Variants in NTRK2 observed in about 807,000 individuals in gnomAD.
The protein encoded by NTRK2 is neurotrophic receptor tyrosine kinase 2, also known as BDNF/NT-3 growth factors receptor.
A neutral mutation model predicts 94.5 loss-of-function variants in NTRK2; 13 were observed. That is an observed-to-expected ratio of 0.14 (90% CI 0.09 to 0.22). The LOEUF (loss-of-function observed/expected upper bound fraction) is 0.22, where lower values mean the gene tolerates loss of function less well. Among genes scored for constraint, NTRK2 ranks in the 10% least tolerant of loss-of-function variants. NTRK2 has a pLI of 1.00. For missense variants in NTRK2, 639 were observed against 1,071.2 expected (o/e 0.60, Z 5.63); for synonymous variants, 372 against 407.4 (o/e 0.91, Z 1.05).
intron 12 of NTRK2, among the ~76,000 whole-genome samples, chr9:84,848,974 A>G (rs557826902): frequency 6.6e-6 from 1 of 152,322 alleles, no homozygotes; most frequent in South Asian, 2.1e-4. Flanking sequence ...TTTATATATT[A>G]CATATTGACA....
intron 12 of NTRK2, among the ~76,000 whole-genome samples, chr9:84,822,053 T>TA (rs2072882546): frequency 6.6e-6 from 1 of 152,152 alleles, no homozygotes; most frequent in Non-Finnish European, 1.5e-5. Flanking sequence ...AGCAGTCCTC[T>TA]AAGGGATGAT....
intron 17 of NTRK2, among the ~76,000 whole-genome samples, chr9:84,956,506 C>T (rs1209327929): frequency 6.6e-6 from 1 of 152,138 alleles, no homozygotes; most frequent in African/African-American, 2.4e-5. Context: ...TTTCTACCAA[C>T]CCTCAATTTG....
chr9:85,018,736 A>G (rs1355833514), intron 17 of NTRK2, among the ~76,000 whole-genome samples: 1 of 152,168 alleles, frequency 6.6e-6, no homozygotes, highest in Non-Finnish European at 1.5e-5. Flanking sequence ...TTGCAGTTTG[A>G]GTATCGACCC....
chr9:84,836,892 G>C (rs1177507491), intron 12 of NTRK2, among the ~76,000 whole-genome samples: 2 of 149,054 alleles, frequency 1.3e-5, no homozygotes, highest in Non-Finnish European at 3.0e-5. Flanking sequence ...GAACATCTTG[G>C]ATTTCAAAAG....
intron 12 of NTRK2, among the ~76,000 whole-genome samples, chr9:84,838,228 A>G (rs1222425298): frequency 6.6e-6 from 1 of 152,218 alleles, no homozygotes; most frequent in African/African-American, 2.4e-5. Context: ...GCTATAGTAC[A>G]TCCAGAAGAA....
intron 14 of NTRK2, among the ~76,000 whole-genome samples, chr9:84,915,333 A>G (rs1311859537): frequency 2.0e-5 from 3 of 152,036 alleles, no homozygotes; most frequent in African/African-American, 7.3e-5. Flanking sequence ...TCCTGGTGAG[A>G]GATGTTTGGA....
rs546780941 is a variant in NTRK2 at position 84,874,431 on chromosome 9, C to T, written c.1633+7000C>T. 6.6e-6 allele frequency: 7 copies of T among 1,065,832 alleles called. No individual in the cohort carries two copies. In the East Asian group the frequency reaches 3.0e-4, roughly 45 times the overall value. The allele number at this position is 1,065,832 out of a possible 1,614,324, so 66.0% of individuals were successfully genotyped here. On this transcript the variant is annotated intron_variant, in intron 14 of 18. Transcript: ENST00000277120. ...AATTCTGCCAGCCTGTGAGAGTAACCACCGTAGCTGGGCTTCTTCTCAGAT... is the reference window on the plus strand; with the variant it reads ...AATTCTGCCAGCCTGTGAGAGTAACTACCGTAGCTGGGCTTCTTCTCAGAT...
intron 14 of NTRK2, among the ~76,000 whole-genome samples, chr9:84,906,817 C>T (rs909556567): frequency 6.6e-6 from 1 of 152,100 alleles, no homozygotes; most frequent in African/African-American, 2.4e-5. Flanking sequence ...CTGTGCCTGT[C>T]GATGGACAGC....
At position 84,974,043 on chromosome 9, in the gene NTRK2, G is replaced by T. The variant is rs188075166; in HGVS notation, c.2172+18526G>T. 1.5e-3 allele frequency among the ~76,000 whole-genome samples: 124 copies of T among 84,034 alleles called. 1 individual carries two copies. The highest frequency in any genetic ancestry group is 5.1e-3 in the African/African-American group (104 of 20,394). 55.1% of individuals were successfully genotyped at this position (84,034 alleles called of 152,430 possible). On this transcript the variant is annotated intron_variant, in intron 17 of 18. Coordinates refer to ENST00000277120, the MANE Select transcript of NTRK2 (RefSeq NM_006180.6). The stretch of plus-strand genomic sequence containing the variant: ...GGCCTTACAGGTAAGAGGATTAGAT[G>T]ATACTATCTTTTTCTGTTCTTTTCT...
At chr9:84,861,131 A>G (rs775731485) in intron 13 of NTRK2, 44 bp downstream of exon 13, 4 of 1,438,110 alleles carry the variant, frequency 2.8e-6, no homozygotes, top group East Asian at 4.6e-5. Flanking sequence ...TAATGAGTCT[A>G]TGTTTTTATT....
chr9:84,867,563 C>T, intron 14 of NTRK2, 132 bp downstream of exon 14: 1 of 829,562 alleles, frequency 1.2e-6, no homozygotes, highest in East Asian at 2.5e-5. Context: ...ATTCTTGCAG[C>T]TTTTGGCCCA....
At chr9:85,015,603 C>T (rs138856627) in intron 17 of NTRK2, among the ~76,000 whole-genome samples, 6 of 152,284 alleles carry the variant, frequency 3.9e-5, no homozygotes, top group East Asian at 1.9e-4. Flanking sequence ...GAACTGATTC[C>T]GTGTCCATCC....
At chr9:84,937,025 G>C (rs373544102) in intron 15 of NTRK2, among the ~76,000 whole-genome samples, 1 of 152,096 alleles carries the variant, frequency 6.6e-6, no homozygotes, top group Non-Finnish European at 1.5e-5. Flanking sequence ...AATAACCCAT[G>C]GACCTTTCAC....
intron 17 of NTRK2, among the ~76,000 whole-genome samples, chr9:84,993,372 A>G (rs371994438): frequency 6.6e-6 from 1 of 152,052 alleles, no homozygotes; most frequent in East Asian, 1.9e-4. Context: ...CCTCTTTCCT[A>G]GCTCCCATCA....
intron 12 of NTRK2, among the ~76,000 whole-genome samples, chr9:84,760,088 T>G (rs984858552): frequency 2.0e-4 from 31 of 152,170 alleles, no homozygotes; most frequent in African/African-American, 6.8e-4. Flanking sequence ...AACTCCTGAG[T>G]CTTCAACCCA....
chr9:84,770,153 A>AACAC (rs35363257), intron 12 of NTRK2, among the ~76,000 whole-genome samples: 15,664 of 136,876 alleles, frequency 0.11, 1,058 homozygotes, highest in African/African-American at 0.2. Flanking sequence ...TGTGCATGAG[A>AACAC]ACACACACAC....
At chr9:84,817,565 A>G (rs1325194908) in intron 12 of NTRK2, among the ~76,000 whole-genome samples, 1 of 152,234 alleles carries the variant, frequency 6.6e-6, no homozygotes, top group Non-Finnish European at 1.5e-5. Flanking sequence ...CACTGAATAC[A>G]GCTGGCCTCA....
chr9:84,713,966 T>C (rs963178174), intron 6 of NTRK2, among the ~76,000 whole-genome samples: 1 of 152,156 alleles, frequency 6.6e-6, no homozygotes, highest in African/African-American at 2.4e-5. Flanking sequence ...TGGAAAATTT[T>C]TCTTATTGAT....
At chr9:84,731,423 C>G (rs1003389939) in intron 9 of NTRK2, among the ~76,000 whole-genome samples, 69 of 151,968 alleles carry the variant, frequency 4.5e-4, no homozygotes, top group Middle Eastern at 3.2e-3. Flanking sequence ...GTGACAGAGC[C>G]AGATCCTGTC....
Sources: allele counts gnomAD v4.1 joint callset (sites outside exome capture counted in the v4.1 genomes callset), GRCh38; gene constraint gnomAD v4.1.1; transcripts MANE v1.5; gene names NCBI Gene and HGNC (gene_info 2026-07-23, HGNC 2026-07-21).